Variants in RND3 observed in about 807,000 individuals in gnomAD.
RND3 encodes rho-related GTP-binding protein RhoE.
Under a neutral mutation model 26.5 loss-of-function variants are expected in RND3, and 8 were observed. The ratio of observed to expected loss-of-function variants is 0.30; its 90% CI spans 0.18 to 0.54. RND3 has a LOEUF of 0.54. RND3 is among the 20% of genes least tolerant of loss of function. RND3 has a pLI of 0.94. For synonymous variants in RND3, 113 were observed against 113.0 expected (o/e 1.00, Z 0.00); for missense variants, 207 against 302.8 (o/e 0.68, Z 2.35).
intron 3 of RND3, among the ~76,000 whole-genome samples, chr2:150,479,913 A>G (rs771468206): frequency 3.9e-5 from 6 of 152,230 alleles, no homozygotes; most frequent in Non-Finnish European, 7.4e-5. Context: ...AACAGATCTT[A>G]TAAAATTTTG....
At chr2:150,471,371 A>G (rs554142867) in intron 5 of RND3, among the ~76,000 whole-genome samples, 1 of 152,304 alleles carries the variant, frequency 6.6e-6, no homozygotes, top group East Asian at 1.9e-4. Flanking sequence ...ACTGATTTTG[A>G]CCACATTCTC....
intron 3 of RND3, among the ~76,000 whole-genome samples, chr2:150,481,928 T>A (rs1021166872): frequency 6.6e-6 from 1 of 152,214 alleles, no homozygotes; most frequent in Non-Finnish European, 1.5e-5. Flanking sequence ...GACTTCTGTT[T>A]ATAGAGAAGT....
At position 150,487,474 on chromosome 2, in the gene RND3, A is replaced by AAAAATAT; in HGVS notation, c.-38-20_-38-19insATATTTT. On this transcript the variant is annotated intron_variant, in intron 1 of 5. Transcript: ENST00000263895. ...ATTTTCTCTTAAGAAGAAAAAAAAA[A>AAAAATAT]ATATATATATATATATATATTTCTC... 4.8e-4 allele frequency: 96 copies of AAAAATAT among 200,802 alleles called. No individual in the cohort carries two copies. Among genetic ancestry groups the AAAAATAT allele is most frequent in the African/African-American group, 2.0e-3 (74 of 36,614 alleles). The allele number at this position is 200,802 out of a possible 1,614,324, so 12.4% of individuals were successfully genotyped here.
intron 3 of RND3, chr2:150,485,211 C>A (rs978888028): frequency 6.6e-6 from 1 of 152,288 alleles, no homozygotes; most frequent in East Asian, 1.9e-4. Context: ...CAAAATCAGC[C>A]CTTCTCACTG....
Position 150,469,099 on chromosome 2 carries a change from G to GT in RND3, c.*887dup, listed in dbSNP as rs1686038647. Reference sequence around the variant, plus strand: ...CTCATTACCTTTTCTGGTGAAAACAGTAACTACCTTTTTTCTCTCCTTGGA... The same window carrying GT: ...CTCATTACCTTTTCTGGTGAAAACAGTTAACTACCTTTTTTCTCTCCTTGGA... On this transcript the variant is annotated 3_prime_UTR_variant, in exon 6 of 6. Transcript: ENST00000263895. 6.6e-6 allele frequency: 1 copy of GT among 152,582 alleles called. No homozygotes were observed. Among genetic ancestry groups the GT allele is most frequent in the Admixed American group, 6.5e-5 (1 of 15,278 alleles). The allele number at this position is 152,582 out of a possible 1,614,324, so 9.5% of individuals were successfully genotyped here. A position where few individuals can be genotyped will look rare whatever the true frequency, so the allele number is the denominator to read the frequency against.
At position 150,470,048 on chromosome 2, in the gene RND3, T is replaced by A. The variant is rs1362395691; in HGVS notation, c.674A>T (p.Glu225Val). 2 of 1,614,054 alleles carry A rather than the reference T, an allele frequency of 1.2e-6. No homozygotes were observed. Among genetic ancestry groups the A allele is most frequent in the East Asian group, 4.5e-5 (2 of 44,868 alleles). The change falls in exon 6 of 6, where the codon GAA becomes GTA. Residue 225 changes from glutamate (E) to valine (V), a missense_variant. Physicochemically the swap from Glu to Val is moderately radical, Grantham distance 121 (BLOSUM62 -2). Coordinates refer to ENST00000263895, the MANE Select transcript of RND3 (RefSeq NM_005168.5). ...KRISHMPSRP[E>V]LSAVATDLRK... ...TAAGTCCGTAGCAACTGCCGAGAGT[T>A]CTGGTCTGCTAGGCATGTGTGAAAT...
chr2:150,486,812 G>A lies in RND3; in HGVS notation c.151-31C>T, dbSNP rs1205743816. On this transcript the variant is annotated intron_variant, in intron 2 of 5. Coordinates refer to ENST00000263895, the MANE Select transcript of RND3 (RefSeq NM_005168.5). The surrounding 1 kb of genome is among the most constrained non-coding windows in gnomAD (Gnocchi z 4.5). ...TAGACAAAATGGGCAAAAGAGGAAGGAAAGAGGGCAAAGAGGTTACGTTTA... is the reference window on the plus strand; with the variant it reads ...TAGACAAAATGGGCAAAAGAGGAAGAAAAGAGGGCAAAGAGGTTACGTTTA... The A allele has an allele frequency of 6.7e-7, 1 of 1,489,558 alleles. No individual in the cohort carries two copies. Among genetic ancestry groups the A allele is most frequent in the Non-Finnish European group, 9.4e-7 (1 of 1,066,420 alleles). 92.3% of individuals were successfully genotyped at this position (1,489,558 alleles called of 1,614,324 possible). A position where few individuals can be genotyped will look rare whatever the true frequency, so the allele number is the denominator to read the frequency against.
intron 3 of RND3, among the ~76,000 whole-genome samples, chr2:150,481,492 T>G (rs1181282720): frequency 6.6e-6 from 1 of 152,172 alleles, no homozygotes; most frequent in Non-Finnish European, 1.5e-5. Flanking sequence ...TTTGTTAGTT[T>G]GGGAAAGCCT....
At chr2:150,470,387 AGTTGT>A in intron 5 of RND3, 149 bp from the exon 6 acceptor site, 1 of 824,970 alleles carries the variant, frequency 1.2e-6, no homozygotes, top group Non-Finnish European at 1.9e-6. Flanking sequence ...AAAAAAAAAA[AGTTGT>A]TAAAATGTAA....
chr2:150,482,656 C>T (rs1469257879), intron 3 of RND3, among the ~76,000 whole-genome samples: 1 of 138,694 alleles, frequency 7.2e-6, no homozygotes, highest in Non-Finnish European at 1.5e-5. Flanking sequence ...GGCTGGAGTA[C>T]TGTAGCCCTA....
chr2:150,482,441 T>C (rs920135924), intron 3 of RND3, among the ~76,000 whole-genome samples: 1 of 152,220 alleles, frequency 6.6e-6, no homozygotes, highest in Non-Finnish European at 1.5e-5. Flanking sequence ...TACTTCACAA[T>C]TGAAACTATT....
At position 150,486,112 on chromosome 2, in the gene RND3, T is replaced by A. The variant is rs1490553202; in HGVS notation, c.238+582A>T. Among the ~76,000 whole-genome samples, 1 of 149,622 alleles carries A rather than the reference T, an allele frequency of 6.7e-6. No homozygotes were observed. Among genetic ancestry groups the A allele is most frequent in the Non-Finnish European group, 1.5e-5 (1 of 67,464 alleles). ...GGCGGCCGGCAGCGCGAAGAGGAGG[T>A]TCAGCTGCTGCCCGGCCCCTGCGCC... On this transcript the variant is annotated intron_variant, in intron 3 of 5. Transcript: ENST00000263895. This position sits in a 1 kb window ranked among gnomAD's most constrained non-coding sequence, Gnocchi z 4.5.
At chr2:150,479,104 C>A (rs189722037) in intron 3 of RND3, among the ~76,000 whole-genome samples, 16 of 152,160 alleles carry the variant, frequency 1.1e-4, no homozygotes, top group Admixed American at 3.9e-4. Flanking sequence ...ACTTGGGGTT[C>A]TCTGAGTTGC....
intron 3 of RND3, among the ~76,000 whole-genome samples, chr2:150,477,150 G>A (rs1175790207): frequency 6.6e-6 from 1 of 152,102 alleles, no homozygotes; most frequent in Admixed American, 6.6e-5. Context: ...GAAACCTAAC[G>A]AGGCTTCAGA....
chr2:150,484,562 G>T (rs1255602223), intron 3 of RND3, among the ~76,000 whole-genome samples: 1 of 152,138 alleles, frequency 6.6e-6, no homozygotes, highest in Non-Finnish European at 1.5e-5. Context: ...CCCAGAACCT[G>T]GCTTGCTTTG....
Position 150,486,665 on chromosome 2 carries a change from C to T in RND3, c.238+29G>A. 1 of 1,523,684 alleles carries T rather than the reference C, an allele frequency of 6.6e-7. No homozygotes were observed. The highest frequency in any genetic ancestry group is 2.3e-5 in the East Asian group (1 of 44,400). The allele number at this position is 1,523,684 out of a possible 1,614,324, so 94.4% of individuals were successfully genotyped here. The stretch of plus-strand genomic sequence containing the variant: ...TCCCCCAGCGACTGGAAACCCGCCC[C>T]AAGCGCCACGCGGTCCTCCCACTCT... On this transcript the variant is annotated intron_variant, in intron 3 of 5. Transcript: ENST00000263895. The surrounding 1 kb of genome is among the most constrained non-coding windows in gnomAD (Gnocchi z 4.5).
chr2:150,475,173 C>T (rs1686144868), intron 3 of RND3, 189 bp from the exon 4 acceptor site: 1 of 497,828 alleles, frequency 2.0e-6, no homozygotes, highest in Non-Finnish European at 3.6e-6. Flanking sequence ...TGAATGAAGC[C>T]TCACATGTGT....
At chr2:150,477,817 C>T (rs903222330) in intron 3 of RND3, among the ~76,000 whole-genome samples, 3 of 152,064 alleles carry the variant, frequency 2.0e-5, no homozygotes, top group African/African-American at 7.2e-5. Context: ...AACCACCGTG[C>T]TTGTGGAGGT....
chr2:150,473,241 A>C (rs868553699), intron 4 of RND3, among the ~76,000 whole-genome samples: 1 of 152,174 alleles, frequency 6.6e-6, no homozygotes, highest in Admixed American at 6.5e-5. Flanking sequence ...GACAAACCGC[A>C]GGGGTTATCA....
Sources: gnomAD v4.1 joint callset for allele counts (sites outside exome capture counted in the v4.1 genomes callset) on GRCh38, gnomAD v4.1.1 for gene constraint, Gnocchi (gnomAD v3.1) non-coding constraint, MANE v1.5 for transcripts, NCBI Gene and HGNC (gene_info 2026-07-23, HGNC 2026-07-21) for gene names.